Variants in TBCD observed in about 807,000 individuals in gnomAD.
The protein encoded by TBCD is tubulin-specific chaperone D.
In TBCD, 105 loss-of-function variants were observed where a neutral mutation model predicts 169.3. That is an observed-to-expected ratio of 0.62 (90% CI 0.53 to 0.73). The LOEUF (loss-of-function observed/expected upper bound fraction) is 0.73, where lower values mean the gene tolerates loss of function less well. Among genes scored for constraint, TBCD ranks in the 30% least tolerant of loss-of-function variants. The pLI is 0.00. For synonymous variants in TBCD, 700 were observed against 643.9 expected, an observed-to-expected ratio of 1.09 and a Z score of -1.32; for missense variants, 1,444 against 1,600.1, an observed-to-expected ratio of 0.90 and a Z score of 1.66.
chr17:82,887,168 T>TGTGTGTGTGCGCGCGC, intron 15 of TBCD, among the ~76,000 whole-genome samples: 157 of 126,188 alleles, frequency 1.2e-3, no homozygotes, highest in South Asian at 2.9e-3. Context: ...TGTGTGTGTG[T>TGTGTGTGTGCGCGCGC]GCGCGCGCGC....
rs576687417 is a variant in TBCD, at chr17:82,896,526, C to T, written c.1649+2894C>T. On this transcript the variant is annotated intron_variant, in intron 17 of 38. Coordinates refer to ENST00000355528, the MANE Select transcript of TBCD (RefSeq NM_005993.5). ...TGTCACCCAGGCTGGAGTGTGGTGG[C>T]GCAATCGCGGCTCCCTGCAGCCTCG... is the stretch of plus-strand genomic sequence containing the variant. Among the ~76,000 whole-genome samples the T allele has an allele frequency of 6.1e-4, 86 of 142,052 alleles. 1 individual carries two copies. Among genetic ancestry groups the T allele is most frequent in the Middle Eastern group, 4.0e-3 (1 of 248 alleles). The allele number at this position is 142,052 out of a possible 152,430, so 93.2% of individuals were successfully genotyped here.
At chr17:82,872,813 C>T (rs1264453391) in intron 14 of TBCD, among the ~76,000 whole-genome samples, 1 of 152,270 alleles carries the variant, frequency 6.6e-6, no homozygotes, top group African/African-American at 2.4e-5. Flanking sequence ...TGTCCAGCAC[C>T]TTGTGCTGAC....
At chr17:82,799,458 A>AAAAAAAAAAAAAAAAAAC (rs2050340162) in intron 8 of TBCD, among the ~76,000 whole-genome samples, 1 of 151,098 alleles carries the variant, frequency 6.6e-6, no homozygotes, top group African/African-American at 2.5e-5. Context: ...AAAAAAAAAA[A>AAAAAAAAAAAAAAAAAAC]AAAAAGAAAC....
intron 7 of TBCD, among the ~76,000 whole-genome samples, chr17:82,797,234 C>A (rs1029695540): frequency 1.3e-5 from 2 of 152,158 alleles, no homozygotes; most frequent in African/African-American, 2.4e-5. Context: ...GTGATGACGT[C>A]CGTGTGTGCG....
At chr17:82,791,910 G>A (rs994195555) in intron 7 of TBCD, among the ~76,000 whole-genome samples, 10 of 152,298 alleles carry the variant, frequency 6.6e-5, no homozygotes, top group Admixed American at 2.6e-4. Flanking sequence ...GGTGTGGCCC[G>A]CTGCTCCCAG....
intron 34 of TBCD, among the ~76,000 whole-genome samples, chr17:82,933,076 C>T (rs1240460457): frequency 6.6e-6 from 1 of 151,952 alleles, no homozygotes; most frequent in East Asian, 1.9e-4. Flanking sequence ...GGGGCCTCGG[C>T]TGTACGGGGA....
Position 82,932,682 on chromosome 17 carries a change from G to A in TBCD, c.3138G>A (p.Thr1046=), listed in dbSNP as rs1294647915. The A allele has an allele frequency of 6.2e-7, 1 of 1,613,756 alleles. No individual in the cohort carries two copies. Among genetic ancestry groups the A allele is most frequent in the Non-Finnish European group, 8.5e-7 (1 of 1,179,868 alleles). The part of the protein sequence containing the change: ...NERVSVPLLK[T]LDHVLTHGCF... ...GGGTGTCCGTGCCGCTGCTGAAGACGCTGGACCACGTGCTCACCCACGGCT... is the reference window on the plus strand; with the variant it reads ...GGGTGTCCGTGCCGCTGCTGAAGACACTGGACCACGTGCTCACCCACGGCT... The change falls in exon 34 of 39, where the codon ACG becomes ACA. Residue 1046 remains threonine, a synonymous_variant. Transcript: ENST00000355528.
intron 13 of TBCD, among the ~76,000 whole-genome samples, chr17:82,855,769 C>G (rs1346087674): frequency 6.6e-6 from 1 of 152,208 alleles, no homozygotes; most frequent in African/African-American, 2.4e-5. Context: ...GGTGTCCATT[C>G]ACATAGTCAT....
At chr17:82,823,047 G>T (rs1181265507) in intron 13 of TBCD, among the ~76,000 whole-genome samples, 1 of 152,208 alleles carries the variant, frequency 6.6e-6, no homozygotes, top group Non-Finnish European at 1.5e-5. Flanking sequence ...GAGGGGGAAG[G>T]GGTGGAGGAC....
chr17:82,761,204 TC>T (rs1371883645), intron 2 of TBCD, among the ~76,000 whole-genome samples: 1 of 152,304 alleles, frequency 6.6e-6, no homozygotes, highest in African/African-American at 2.4e-5. Context: ...CCTCAGGTGA[TC>T]CACCTGCCTC....
At chr17:82,834,228 G>T (rs1431444438) in intron 13 of TBCD, among the ~76,000 whole-genome samples, 1 of 152,158 alleles carries the variant, frequency 6.6e-6, no homozygotes, top group African/African-American at 2.4e-5. Context: ...GATTAGAGGC[G>T]TGAGCCACCG....
At chr17:82,878,733 C>T (rs2058146082) in intron 14 of TBCD, among the ~76,000 whole-genome samples, 3 of 152,178 alleles carry the variant, frequency 2.0e-5, no homozygotes, top group Admixed American at 2.0e-4. Flanking sequence ...TGCTGTTTCT[C>T]CTTTGGTTTT....
intron 13 of TBCD, among the ~76,000 whole-genome samples, chr17:82,828,154 G>GAATGTGCATACACCC (rs2053076298): frequency 1.4e-5 from 1 of 71,006 alleles, no homozygotes; most frequent in South Asian, 5.8e-4. Flanking sequence ...TACACCCACA[G>GAATGTGCATACACCC]ACACACATGC....
At chr17:82,873,962 A>AGGG (rs2057784699) in intron 14 of TBCD, among the ~76,000 whole-genome samples, 1 of 152,106 alleles carries the variant, frequency 6.6e-6, no homozygotes, top group Non-Finnish European at 1.5e-5. Flanking sequence ...CTCACTTTGA[A>AGGG]GCCCCTTGAG....
intron 34 of TBCD, 104 bp downstream of exon 34, chr17:82,932,839 C>A: frequency 1.7e-6 from 2 of 1,175,698 alleles, no homozygotes; most frequent in South Asian, 1.3e-5. Flanking sequence ...AGGAAATGAT[C>A]TTCCAGTGCG....
Position 82,790,000 on chromosome 17 carries a change from C to T in TBCD, c.772-7757C>T, listed in dbSNP as rs1029203725. Among the ~76,000 whole-genome samples the T allele has an allele frequency of 4.6e-5, 7 of 150,778 alleles. No homozygotes were observed. The East Asian group carries it at 1.2e-3, about 25-fold the overall frequency. On this transcript the variant is annotated intron_variant, in intron 7 of 38. Coordinates refer to ENST00000355528, the MANE Select transcript of TBCD (RefSeq NM_005993.5). The surrounding 1 kb of genome is among the most constrained non-coding windows in gnomAD (Gnocchi z 4.8). ...GTCCGCTCACACCTGCCTGTGTGGA[C>T]GTGGCTCTGACATGTCTCCTTCCTG...
rs773864175 is a variant in TBCD at position 82,945,727 on chromosome 17, C to A, written c.*3264C>A. ...CAACATCCCAGATGGAAGCAGCATC[C>A]CCCTACCCAGCTGTGACAAAAAGAA... is the stretch of plus-strand genomic sequence containing the variant. On this transcript the variant is annotated 3_prime_UTR_variant, in exon 39 of 39. Transcript: ENST00000355528. 6.6e-6 allele frequency: 1 copy of A among 152,082 alleles called. No homozygotes were observed. The allele number at this position is 152,082 out of a possible 1,614,324, so 9.4% of individuals were successfully genotyped here. A position where few individuals can be genotyped will look rare whatever the true frequency, so the allele number is the denominator to read the frequency against.
intron 13 of TBCD, among the ~76,000 whole-genome samples, chr17:82,815,673 T>TG (rs971026643): frequency 1.3e-5 from 2 of 152,114 alleles, no homozygotes; most frequent in African/African-American, 4.8e-5. Flanking sequence ...CAGGATAGAG[T>TG]GGGGGCCCAT....
chr17:82,867,937 CA>C (rs1319541326), intron 13 of TBCD, among the ~76,000 whole-genome samples: 30 of 152,226 alleles, frequency 2.0e-4, no homozygotes, highest in African/African-American at 6.7e-4. Context: ...ACAGGTCCCC[CA>C]GGGGGAGGAC....
Sources: gnomAD v4.1 joint callset for allele counts (sites outside exome capture counted in the v4.1 genomes callset) on GRCh38, gnomAD v4.1.1 for gene constraint, Gnocchi (gnomAD v3.1) non-coding constraint, MANE v1.5 for transcripts, NCBI Gene and HGNC (gene_info 2026-07-23, HGNC 2026-07-21) for gene names.